LRP4: variants seen among roughly 807,000 people sequenced by gnomAD.
LRP4 encodes low-density lipoprotein receptor-related protein 4.
A neutral mutation model predicts 220.3 loss-of-function variants in LRP4; 95 were observed. That is an observed-to-expected ratio of 0.43 (90% CI 0.37 to 0.51). The LOEUF is 0.51. Ranked by LOEUF, LRP4 falls within the 20% of genes least tolerant of loss-of-function variation. The probability of loss-of-function intolerance (pLI) is 0.00; values close to 1 mark genes in which losing one functional copy is unlikely to be tolerated. For synonymous variants in LRP4, 903 were observed against 954.6 expected (o/e 0.95, Z 1.00); for missense variants, 1,925 against 2,567.0 (o/e 0.75, Z 5.40).
chr11:46,868,542 G>T, intron 33 of LRP4, 58 bp downstream of exon 33: 1 of 1,225,350 alleles, frequency 8.2e-7, no homozygotes, highest in Non-Finnish European at 1.2e-6. Context: ...AGAGGCTGCT[G>T]ACTCTCAGCC....
At position 46,862,648 on chromosome 11, in the gene LRP4, G is replaced by T. The variant is rs772287116; in HGVS notation, c.5343C>A (p.Ile1781=). 2 of 1,614,110 alleles carry T rather than the reference G, an allele frequency of 1.2e-6. No homozygotes were observed. The highest frequency in any genetic ancestry group is 1.7e-6 in the Non-Finnish European group (2 of 1,179,994). ...GCTGGTTGTACATGGCTGGTTTGGG[G>T]ATTGCTTCAATCTTCACTTCCTGTG... is the stretch of plus-strand genomic sequence containing the variant. ...TSTQEVKIEA[I]PKPAMYNQLC... The change falls in exon 37 of 38, where the codon ATC becomes ATA. Residue 1781 remains isoleucine, a synonymous_variant. Transcript: ENST00000378623.
In LRP4 at chr11:46,862,593, T is replaced by C. The variant is rs370288647; in HGVS notation, c.5385+13A>G. On this transcript the variant is annotated intron_variant, in intron 37 of 37. Coordinates refer to ENST00000378623, the MANE Select transcript of LRP4 (RefSeq NM_002334.4). ...CGCCAAAAAGACCCTTGAATATAAA[T>C]TTCAATTTTTACCTCTTTCTTATAG... is the stretch of plus-strand genomic sequence containing the variant. The C allele has an allele frequency of 6.7e-5, 108 of 1,613,930 alleles. No individual in the cohort carries two copies. Among genetic ancestry groups the C allele is most frequent in the Non-Finnish European group, 9.1e-5 (107 of 1,179,976 alleles).
intron 20 of LRP4, 26 bp downstream of exon 20, chr11:46,881,676 T>C: frequency 6.2e-7 from 1 of 1,603,020 alleles, no homozygotes; most frequent in East Asian, 2.2e-5. Context: ...GTGCCACCCT[T>C]ACCTTCCTCT....
chr11:46,875,957 G>A lies in LRP4; in HGVS notation c.3546C>T (p.Tyr1182=). Residue 1182 remains tyrosine (Y), a synonymous_variant, in exon 26 of 38, where the codon TAC becomes TAT. Transcript: ENST00000378623. The surrounding 1 kb of genome is among the most constrained non-coding windows in gnomAD (Gnocchi z 4.5). The part of the protein sequence containing the change: ...IVLYHEMGFM[Y]WTDWGENAKL... Reference sequence around the variant, plus strand: ...TGGCATTCTCCCCCCAGTCTGTCCAGTACATAAACCTGAGTGAGGAAGAAT... The same window carrying A: ...TGGCATTCTCCCCCCAGTCTGTCCAATACATAAACCTGAGTGAGGAAGAAT... 1 of 1,614,128 alleles carries A rather than the reference G, an allele frequency of 6.2e-7. No individual in the cohort carries two copies. Among genetic ancestry groups the A allele is most frequent in the South Asian group, 1.1e-5 (1 of 91,080 alleles).
At position 46,874,936 on chromosome 11, in the gene LRP4, G is replaced by T; in HGVS notation, c.4093C>A (p.Arg1365=). The T allele has an allele frequency of 1.2e-6, 2 of 1,614,156 alleles. No homozygotes were observed. The highest frequency in any genetic ancestry group is 2.2e-5 in the South Asian group (2 of 91,078). ...YLLFSSRGSI[R]RISLDTSDHT... ...TCACTGGTGTCCAGTGAGATACGCC[G>T]GATGGAGCCACGGCTGGAGAAGAGC... Residue 1365 remains arginine, a synonymous_variant, in exon 28 of 38, where the codon CGG becomes AGG. Transcript: ENST00000378623.
At chr11:46,888,323 G>A (rs1246188619) in intron 16 of LRP4, among the ~76,000 whole-genome samples, 1 of 151,268 alleles carries the variant, frequency 6.6e-6, no homozygotes, top group Non-Finnish European at 1.5e-5. Context: ...GGAGGCTGAG[G>A]TGGGTGGATC....
intron 37 of LRP4, among the ~76,000 whole-genome samples, chr11:46,862,068 C>T (rs1222625715): frequency 1.6e-5 from 1 of 63,718 alleles, no homozygotes; most frequent in Non-Finnish European, 3.0e-5. Context: ...AACTCTGTCT[C>T]AAAAAAAAAA....
chr11:46,882,688 C>CAA (rs202106050), intron 19 of LRP4, among the ~76,000 whole-genome samples: 13 of 150,402 alleles, frequency 8.6e-5, no homozygotes, highest in Admixed American at 4.0e-4. Flanking sequence ...CCCATCTCTA[C>CAA]AAAAAAAAAC....
At chr11:46,871,978 C>T (rs1940877373) in intron 30 of LRP4, among the ~76,000 whole-genome samples, 1 of 152,182 alleles carries the variant, frequency 6.6e-6, no homozygotes, top group African/African-American at 2.4e-5. Context: ...GCTCACTCGG[C>T]CGGGCATGGT....
At chr11:46,894,504 G>T in intron 12 of LRP4, 85 bp downstream of exon 12, 2 of 1,050,266 alleles carry the variant, frequency 1.9e-6, no homozygotes, top group Non-Finnish European at 2.9e-6. Context: ...GCTGCCTAAG[G>T]TTTGCAAACC....
At chr11:46,889,590 G>T in intron 15 of LRP4, 57 bp from the exon 16 acceptor site, 1 of 1,606,362 alleles carries the variant, frequency 6.2e-7, no homozygotes, top group Non-Finnish European at 8.5e-7. Context: ...GTGACCCCAA[G>T]ACTAGGGAAT....
intron 1 of LRP4, among the ~76,000 whole-genome samples, chr11:46,910,226 G>A (rs753845569): frequency 2.0e-5 from 3 of 152,096 alleles, no homozygotes; most frequent in African/African-American, 2.4e-5. Flanking sequence ...TGTTAAGCAC[G>A]GAGGAACAAA....
At chr11:46,868,380 A>G (rs1220162682) in intron 33 of LRP4, among the ~76,000 whole-genome samples, 2 of 152,246 alleles carry the variant, frequency 1.3e-5, no homozygotes, top group African/African-American at 4.8e-5. Flanking sequence ...CTGGGAATCA[A>G]GAGACCTGAA....
At position 46,902,800 on chromosome 11, in the gene LRP4, C is replaced by A; in HGVS notation, c.182G>T (p.Ser61Ile). 1 of 1,614,144 alleles carries A rather than the reference C, an allele frequency of 6.2e-7. No homozygotes were observed. The highest frequency in any genetic ancestry group is 8.5e-7 in the Non-Finnish European group (1 of 1,180,040). ...GTACTTACTACATCCATCCTCATCG[C>A]TGTGGTCCCCGCAGTCATTGTCTCC... ...CDGDNDCGDHSDEDGCILPTC... is the reference protein window; with the variant it reads ...CDGDNDCGDHIDEDGCILPTC... The change falls in exon 2 of 38, where the codon AGC becomes ATC. Residue 61 changes from serine to isoleucine, a missense_variant. Ser to Ile is a moderately radical substitution (Grantham distance 142). Transcript: ENST00000378623.
Position 46,896,850 on chromosome 11 carries a change from G to C in LRP4, c.922+19C>G, listed in dbSNP as rs749318305. ...CCAACTATAGGCTAAGGGTTCTGGGGCACCCCGGGAGACACCACCTGTATT... is the reference window on the plus strand; with the variant it reads ...CCAACTATAGGCTAAGGGTTCTGGGCCACCCCGGGAGACACCACCTGTATT... On this transcript the variant is annotated intron_variant, in intron 8 of 37. Transcript: ENST00000378623. 35 of 1,613,912 alleles carry C rather than the reference G, an allele frequency of 2.2e-5. No individual in the cohort carries two copies. Among genetic ancestry groups the C allele is most frequent in the Non-Finnish European group, 2.8e-5 (33 of 1,179,926 alleles).
intron 30 of LRP4, among the ~76,000 whole-genome samples, chr11:46,872,412 T>C (rs182352862): frequency 1.3e-5 from 2 of 152,142 alleles, no homozygotes; most frequent in Non-Finnish European, 2.9e-5. Flanking sequence ...CCCTTCCCCC[T>C]GCCCTTAGCA....
intron 2 of LRP4, among the ~76,000 whole-genome samples, chr11:46,901,839 T>C (rs1423697233): frequency 6.6e-6 from 1 of 151,942 alleles, no homozygotes; most frequent in East Asian, 1.9e-4. Context: ...TTTACACCAT[T>C]CTCCTGCCTC....
chr11:46,888,850 T>C (rs1941358984), intron 16 of LRP4, among the ~76,000 whole-genome samples: 1 of 152,202 alleles, frequency 6.6e-6, no homozygotes, highest in African/African-American at 2.4e-5. Context: ...CATCGTGTGC[T>C]GGGCTCTCCA....
At position 46,890,425 on chromosome 11, in the gene LRP4, G is replaced by A; in HGVS notation, c.1767C>T (p.Arg589=). The A allele has an allele frequency of 6.2e-7, 1 of 1,614,134 alleles. No individual in the cohort carries two copies. ...IEASSMDGSG[R]RIIADTHLFW... is the part of the protein sequence containing the mutation. The stretch of plus-strand genomic sequence containing the variant: ...AGAGATGGGTATCGGCAATGATGCG[G>A]CGTCCAGAGCCATCCATGCTGGAGG... Residue 589 remains arginine, a synonymous_variant, in exon 14 of 38, where the codon CGC becomes CGT. Transcript: ENST00000378623. The surrounding 1 kb of genome is among the most constrained non-coding windows in gnomAD (Gnocchi z 5.3).
Sources: gnomAD v4.1 joint callset for allele counts (sites outside exome capture counted in the v4.1 genomes callset) on GRCh38, gnomAD v4.1.1 for gene constraint, Gnocchi (gnomAD v3.1) non-coding constraint, MANE v1.5 for transcripts, NCBI Gene and HGNC (gene_info 2026-07-23, HGNC 2026-07-21) for gene names.